Variants in CAGE1 observed in about 807,000 individuals in gnomAD.
CAGE1 encodes cancer-associated gene 1 protein.
A neutral mutation model predicts 94.9 loss-of-function variants in CAGE1; 66 were observed. That is an observed-to-expected ratio of 0.70 (90% CI 0.57 to 0.85). The LOEUF is 0.85. CAGE1 is among the 40% of genes least tolerant of loss of function. The pLI, the probability that CAGE1 is intolerant of heterozygous loss-of-function variation, is 0.00. For synonymous variants in CAGE1, 319 were observed against 321.0 expected, an observed-to-expected ratio of 0.99 and a Z score of 0.07; for missense variants, 865 against 950.4, an observed-to-expected ratio of 0.91 and a Z score of 1.18.
chr6:7,353,355 G>C (rs1759848460), intron 11 of CAGE1, among the ~76,000 whole-genome samples: 1 of 152,128 alleles, frequency 6.6e-6, no homozygotes, highest in East Asian at 1.9e-4. Context: ...CCTTACTCCT[G>C]CAAGAATGGC....
At chr6:7,338,857 G>C in intron 11 of CAGE1, 1 of 1,404,012 alleles carries the variant, frequency 7.1e-7, no homozygotes, top group Non-Finnish European at 1.0e-6. Flanking sequence ...TGGTGACTGA[G>C]GGCACGGCAG....
intron 11 of CAGE1, among the ~76,000 whole-genome samples, chr6:7,335,397 C>T (rs549659936): frequency 1.3e-5 from 2 of 152,134 alleles, no homozygotes; most frequent in African/African-American, 4.8e-5. Flanking sequence ...TAAACTCAAA[C>T]GCCTGTAGAA....
intron 11 of CAGE1, among the ~76,000 whole-genome samples, chr6:7,352,442 T>A (rs1476622297): frequency 6.6e-6 from 1 of 151,538 alleles, no homozygotes; most frequent in Non-Finnish European, 1.5e-5. Context: ...ATGGGTAGAA[T>A]CAATATTGTG....
chr6:7,349,942 A>AG (rs1280538216), intron 11 of CAGE1, among the ~76,000 whole-genome samples: 1 of 135,808 alleles, frequency 7.4e-6, no homozygotes, highest in African/African-American at 2.8e-5. Context: ...CAAAAAAAAA[A>AG]AAAAAGAAAG....
intron 11 of CAGE1, among the ~76,000 whole-genome samples, chr6:7,348,536 C>T (rs1759650073): frequency 6.6e-6 from 1 of 152,142 alleles, no homozygotes; most frequent in South Asian, 2.1e-4. Context: ...ATCACACTAG[C>T]TCACCAGCTA....
rs1760848346 is a variant in CAGE1 at position 7,378,982 on chromosome 6, G to A, written c.322C>T (p.Gln108Ter). The change falls in exon 4 of 14, where the codon CAG (glutamine) becomes TAG (stop). Residue 108 changes from glutamine to a stop codon, truncating the protein, a stop_gained. Coordinates refer to ENST00000502583, the MANE Select transcript of CAGE1 (RefSeq NM_001170692.2). LOFTEE classifies it high-confidence loss of function. ...GATATGCTGATGGTGTCAACTGGCTGAATTAGTGCATTCGTTGAGTAATTT... is the reference window on the plus strand; with the variant it reads ...GATATGCTGATGGTGTCAACTGGCTAAATTAGTGCATTCGTTGAGTAATTT... ...IENYSTNALI[Q>*]PVDTISISSL... 1 of 1,550,304 alleles carries A rather than the reference G, an allele frequency of 6.5e-7. No individual in the cohort carries two copies. Among genetic ancestry groups the A allele is most frequent in the Non-Finnish European group, 8.7e-7 (1 of 1,147,610 alleles).
At chr6:7,345,365 GAACATC>G (rs1759432100) in intron 11 of CAGE1, among the ~76,000 whole-genome samples, 5 of 82,840 alleles carry the variant, frequency 6.0e-5, no homozygotes, top group Non-Finnish European at 1.4e-4. Flanking sequence ...GAACACATCA[GAACATC>G]AGAAGGAACA....
In CAGE1 at chr6:7,365,855, G is replaced by T; in HGVS notation, c.2034C>A (p.Thr678=). ...ELLKHKDRIT[T]FRELIAKEKA... is the part of the protein sequence containing the mutation. ...TTTCCTTAGCAATTAACTCTCTAAAGGTTGTGATTCTATCTTTATGTTTCA... is the reference window on the plus strand; with the variant it reads ...TTTCCTTAGCAATTAACTCTCTAAATGTTGTGATTCTATCTTTATGTTTCA... The change falls in exon 8 of 14, where the codon ACC becomes ACA. Residue 678 remains threonine, a synonymous_variant. Transcript: ENST00000502583. 2 of 1,537,834 alleles carry T rather than the reference G, an allele frequency of 1.3e-6. No individual in the cohort carries two copies. Among genetic ancestry groups the T allele is most frequent in the Non-Finnish European group, 8.8e-7 (1 of 1,138,462 alleles).
intron 11 of CAGE1, among the ~76,000 whole-genome samples, chr6:7,349,861 G>A (rs985430952): frequency 6.6e-6 from 1 of 151,156 alleles, no homozygotes. Context: ...GAGCCCAGGG[G>A]CCAAGGTTGC....
At chr6:7,377,562 G>A (rs903199295) in intron 4 of CAGE1, among the ~76,000 whole-genome samples, 1 of 151,884 alleles carries the variant, frequency 6.6e-6, no homozygotes, top group Non-Finnish European at 1.5e-5. Context: ...GTGAAAACCC[G>A]TCTCTACTAA....
chr6:7,345,519 C>T (rs1301703956), intron 11 of CAGE1, among the ~76,000 whole-genome samples: 2 of 152,148 alleles, frequency 1.3e-5, no homozygotes, highest in South Asian at 4.1e-4. Flanking sequence ...ATCACTCTGG[C>T]TGCATATACA....
chr6:7,350,099 G>A (rs1018315819), intron 11 of CAGE1, among the ~76,000 whole-genome samples: 7 of 152,160 alleles, frequency 4.6e-5, no homozygotes, highest in African/African-American at 1.7e-4. Context: ...AAAGCGAGCA[G>A]GGGTAGCTAT....
At chr6:7,367,517 C>T (rs969224156) in intron 7 of CAGE1, among the ~76,000 whole-genome samples, 1 of 152,178 alleles carries the variant, frequency 6.6e-6, no homozygotes, top group East Asian at 1.9e-4. Flanking sequence ...TCAGGCCATC[C>T]GCCTCCCTCA....
intron 11 of CAGE1, chr6:7,341,654 G>A (rs1167815015): frequency 2.5e-5 from 18 of 734,588 alleles, no homozygotes; most frequent in Non-Finnish European, 4.3e-5. Context: ...CTCTCCAGGT[G>A]GACAGGAATC....
chr6:7,367,278 A>ATTTTTTTTTTTTTTTT (rs70978961), intron 7 of CAGE1, among the ~76,000 whole-genome samples: 111 of 111,126 alleles, frequency 1.0e-3, no homozygotes, highest in African/African-American at 1.6e-3. Context: ...TATTTGGGGG[A>ATTTTTTTTTTTTTTTT]TTTTTTTTTT....
chr6:7,348,455 C>T (rs1371869293), intron 11 of CAGE1, among the ~76,000 whole-genome samples: 1 of 152,180 alleles, frequency 6.6e-6, no homozygotes, highest in Non-Finnish European at 1.5e-5. Flanking sequence ...ACAAAGCCTA[C>T]CCAAATGAAA....
At chr6:7,374,790 G>T (rs1417485059) in intron 4 of CAGE1, among the ~76,000 whole-genome samples, 2 of 152,164 alleles carry the variant, frequency 1.3e-5, no homozygotes, top group South Asian at 4.1e-4. Context: ...AGCACTTTGG[G>T]AGACTGAGGT....
intron 11 of CAGE1, 150 bp from the exon 12 acceptor site, chr6:7,334,240 A>G (rs149289773): frequency 2.6e-4 from 142 of 542,376 alleles, no homozygotes; most frequent in African/African-American, 2.5e-3. Flanking sequence ...GAAACTTGGG[A>G]TTCTTTCCTA....
intron 13 of CAGE1, among the ~76,000 whole-genome samples, chr6:7,327,725 GT>G (rs1758583488): frequency 6.6e-6 from 1 of 152,004 alleles, no homozygotes; most frequent in African/African-American, 2.4e-5. Flanking sequence ...GAGGTCAGGA[GT>G]TTGAGACCAG....
Sources: allele counts gnomAD v4.1 joint callset (sites outside exome capture counted in the v4.1 genomes callset), GRCh38; gene constraint gnomAD v4.1.1; transcripts MANE v1.5; gene names NCBI Gene and HGNC (gene_info 2026-07-23, HGNC 2026-07-21).